Variants in SNTG1 observed in about 807,000 individuals in gnomAD.
SNTG1 encodes the protein syntrophin gamma 1.
In SNTG1, 39 loss-of-function variants were observed where a neutral mutation model predicts 74.7. That is an observed-to-expected ratio of 0.52 (90% CI 0.40 to 0.68). The LOEUF (loss-of-function observed/expected upper bound fraction) is 0.68. SNTG1 is among the 30% of genes least tolerant of loss of function. The probability of loss-of-function intolerance (pLI) is 0.00; values close to 1 mark genes in which losing one functional copy is unlikely to be tolerated. For missense variants in SNTG1, 685 were observed against 609.5 expected (o/e 1.12, Z -1.30); for synonymous variants, 254 against 217.1 (o/e 1.17, Z -1.49).
intron 1 of SNTG1, among the ~76,000 whole-genome samples, chr8:50,111,362 T>C (rs2080580707): frequency 6.6e-6 from 1 of 152,140 alleles, no homozygotes; most frequent in African/African-American, 2.4e-5. Flanking sequence ...TGAATATGAA[T>C]AGTGTCCTTA....
rs188522741 is a variant in SNTG1, at chr8:50,572,929, A to G, written c.811-17950A>G. Among the ~76,000 whole-genome samples, 646 of 152,212 alleles carry G rather than the reference A, an allele frequency of 4.2e-3. 9 individuals are homozygous for G. Among genetic ancestry groups the G allele is most frequent in the African/African-American group, 0.014 (585 of 41,552 alleles). On this transcript the variant is annotated intron_variant, in intron 12 of 18. Coordinates refer to ENST00000642720, the MANE Select transcript of SNTG1 (RefSeq NM_018967.5). ...TTCTAGCTTTTTGGTTAAATCTTCA[A>G]AATTGATTTTCACCAGAAAATATAC... is the stretch of plus-strand genomic sequence containing the variant.
intron 13 of SNTG1, among the ~76,000 whole-genome samples, chr8:50,630,409 A>G (rs1216943573): frequency 2.6e-5 from 4 of 152,162 alleles, no homozygotes; most frequent in African/African-American, 7.2e-5. Flanking sequence ...ATTAATGCCA[A>G]GGGTTTTGGG....
chr8:50,226,010 C>T lies in SNTG1; in HGVS notation c.-28+53375C>T, dbSNP rs376824732. On this transcript the variant is annotated intron_variant, in intron 2 of 18. Coordinates refer to ENST00000642720, the MANE Select transcript of SNTG1 (RefSeq NM_018967.5). ...AGATATGCATACATACAACATGATA[C>T]CGATTCTTTATATTGACAACAAAAT... Among the ~76,000 whole-genome samples, 6 of 152,210 alleles carry T rather than the reference C, an allele frequency of 3.9e-5. No homozygotes were observed. In the East Asian group the frequency reaches 9.7e-4, roughly 25 times the overall value.
intron 2 of SNTG1, among the ~76,000 whole-genome samples, chr8:50,266,037 T>C (rs2087447968): frequency 6.6e-6 from 1 of 150,738 alleles, no homozygotes; most frequent in Non-Finnish European, 1.5e-5. Flanking sequence ...TTAAACACAA[T>C]TTATATCAAA....
chr8:50,189,834 G>A (rs914820012), intron 2 of SNTG1, among the ~76,000 whole-genome samples: 1 of 152,018 alleles, frequency 6.6e-6, no homozygotes, highest in Non-Finnish European at 1.5e-5. Context: ...AATAGAGATA[G>A]GATTTTAACT....
At chr8:49,998,688 G>C (rs1368205216) in intron 1 of SNTG1, among the ~76,000 whole-genome samples, 1 of 150,376 alleles carries the variant, frequency 6.6e-6, no homozygotes, top group African/African-American at 2.5e-5. Flanking sequence ...TCCACATCTT[G>C]TCCCCCTGGA....
intron 18 of SNTG1, among the ~76,000 whole-genome samples, chr8:50,754,474 A>G (rs979136992): frequency 6.6e-6 from 1 of 151,812 alleles, no homozygotes; most frequent in African/African-American, 2.4e-5. Context: ...TCTTTGTTAT[A>G]TGCCATGTAT....
chr8:49,966,806 G>A lies in SNTG1; in HGVS notation c.-103+54575G>A, dbSNP rs755264842. ...TGTAACCAAGAATGGGTATGATGAC[G>A]TGTGAAATTATTTCCTTTACTATAT... is the stretch of plus-strand genomic sequence containing the variant. On this transcript the variant is annotated intron_variant, in intron 1 of 18. Coordinates refer to ENST00000642720, the MANE Select transcript of SNTG1 (RefSeq NM_018967.5). Among the ~76,000 whole-genome samples the A allele has an allele frequency of 4.6e-5, 7 of 152,064 alleles. No homozygotes were observed. In the South Asian group the frequency reaches 8.3e-4, roughly 18 times the overall value.
At chr8:49,950,627 A>G (rs1809619046) in intron 1 of SNTG1, among the ~76,000 whole-genome samples, 1 of 152,224 alleles carries the variant, frequency 6.6e-6, no homozygotes, top group African/African-American at 2.4e-5. Context: ...TTAAAGTTGA[A>G]GGCAGAGATA....
intron 1 of SNTG1, among the ~76,000 whole-genome samples, chr8:49,929,756 TGCACATTGTGCAGGTTA>T (rs1161007783): frequency 6.6e-6 from 1 of 152,060 alleles, no homozygotes; most frequent in Non-Finnish European, 1.5e-5. Context: ...AGGGTACATG[TGCACATTGTGCAGGTTA>T]GTTACATATG....
At chr8:50,700,690 A>G (rs1265385689) in intron 15 of SNTG1, among the ~76,000 whole-genome samples, 1 of 151,840 alleles carries the variant, frequency 6.6e-6, no homozygotes, top group Admixed American at 6.6e-5. Flanking sequence ...TCCCCCTCCT[A>G]CTTTCCCTCA....
chr8:50,233,050 A>G (rs2085709551), intron 2 of SNTG1, among the ~76,000 whole-genome samples: 1 of 151,626 alleles, frequency 6.6e-6, no homozygotes, highest in South Asian at 2.1e-4. Flanking sequence ...TGTTGTGGAT[A>G]TAGACGTTAT....
chr8:49,912,346 A>G (rs926503494), intron 1 of SNTG1, 115 bp downstream of exon 1: 7 of 152,186 alleles, frequency 4.6e-5, no homozygotes, highest in African/African-American at 9.7e-5. Context: ...GAGACAAGCA[A>G]TTTTGTTTTA....
intron 15 of SNTG1, among the ~76,000 whole-genome samples, chr8:50,669,055 T>G (rs1041812210): frequency 3.3e-5 from 5 of 152,100 alleles, no homozygotes; most frequent in African/African-American, 9.7e-5. Context: ...GAGGAAAATT[T>G]ATAGCAATAA....
intron 8 of SNTG1, 77 bp downstream of exon 8, chr8:50,450,806 C>T (rs2131624940): frequency 7.3e-7 from 1 of 1,374,010 alleles, no homozygotes; most frequent in Non-Finnish European, 1.0e-6. Context: ...AAGACTGTCA[C>T]TTCATTCATT....
At position 50,794,515 on chromosome 8, in the gene SNTG1, T is replaced by C. The variant is rs1205224302; in HGVS notation, c.*1686T>C. 1 of 152,034 alleles carries C rather than the reference T, an allele frequency of 6.6e-6. No homozygotes were observed. Among genetic ancestry groups the C allele is most frequent in the Non-Finnish European group, 1.5e-5 (1 of 67,954 alleles). The allele number at this position is 152,034 out of a possible 1,614,324, so 9.4% of individuals were successfully genotyped here. A position where few individuals can be genotyped will look rare whatever the true frequency, so the allele number is the denominator to read the frequency against. ...AATGTATTTTGACCGTAAAACTAAGTACACATTTGTAATTAGGATAGAACT... is the reference window on the plus strand; with the variant it reads ...AATGTATTTTGACCGTAAAACTAAGCACACATTTGTAATTAGGATAGAACT... On this transcript the variant is annotated 3_prime_UTR_variant, in exon 19 of 19. Coordinates refer to ENST00000642720, the MANE Select transcript of SNTG1 (RefSeq NM_018967.5).
chr8:50,593,763 G>T (rs1434227791), intron 13 of SNTG1, among the ~76,000 whole-genome samples: 1 of 150,162 alleles, frequency 6.7e-6, no homozygotes, highest in Non-Finnish European at 1.5e-5. Flanking sequence ...TGTCACCCAG[G>T]CTGGAGTGCA....
intron 2 of SNTG1, among the ~76,000 whole-genome samples, chr8:50,293,551 A>C (rs1211079749): frequency 6.6e-6 from 1 of 151,958 alleles, no homozygotes; most frequent in Admixed American, 6.6e-5. Context: ...CTGGGATTAC[A>C]GGCATGCACC....
At chr8:50,260,603 A>G (rs944839755) in intron 2 of SNTG1, among the ~76,000 whole-genome samples, 1 of 152,108 alleles carries the variant, frequency 6.6e-6, no homozygotes, top group Non-Finnish European at 1.5e-5. Context: ...AAGCATAAGA[A>G]CCAGAATCAA....
Sources: gnomAD v4.1 joint callset for allele counts (sites outside exome capture counted in the v4.1 genomes callset) on GRCh38, gnomAD v4.1.1 for gene constraint, MANE v1.5 for transcripts, NCBI Gene and HGNC (gene_info 2026-07-23, HGNC 2026-07-21) for gene names.